Variants in SIPA1L3 observed in about 807,000 individuals in gnomAD.
The protein encoded by SIPA1L3 is signal-induced proliferation-associated 1-like protein 3.
SIPA1L3 carries 59 observed loss-of-function variants against 150.1 expected under a neutral mutation model. The ratio of observed to expected loss-of-function variants is 0.39; its 90% CI spans 0.32 to 0.49. The LOEUF (loss-of-function observed/expected upper bound fraction) is 0.49, where lower values mean the gene tolerates loss of function less well. Ranked by LOEUF, SIPA1L3 falls within the 20% of genes least tolerant of loss-of-function variation. The pLI is 0.86. For missense variants in SIPA1L3, 2,211 were observed against 2,489.5 expected, an observed-to-expected ratio of 0.89 and a Z score of 2.38; for synonymous variants, 1,070 against 1,077.6, an observed-to-expected ratio of 0.99 and a Z score of 0.14.
chr19:37,977,357 G>T (rs1177180641), intron 1 of SIPA1L3, among the ~76,000 whole-genome samples: 1 of 152,020 alleles, frequency 6.6e-6, no homozygotes, highest in African/African-American at 2.4e-5. Flanking sequence ...CAGAGACAGG[G>T]TTTTGCCATG....
Position 38,164,839 on chromosome 19 carries a change from T to G in SIPA1L3, c.4141T>G (p.Tyr1381Asp). The change falls in exon 15 of 22, where the codon TAC becomes GAC. Residue 1381 changes from tyrosine (Y) to aspartate (D), a missense_variant. By Grantham distance (160) the Tyr-to-Asp change is radical. Coordinates refer to ENST00000222345, the MANE Select transcript of SIPA1L3 (RefSeq NM_015073.3). This position sits in a 1 kb window ranked among gnomAD's most constrained non-coding sequence, Gnocchi z 4.1. ...GQSKGYRPKL[Y>D]SSGSSTPTGL... Reference sequence around the variant, plus strand: ...AAGCAAGGGCTACCGACCGAAGCTGTACTCCTCCGGCTCCAGCACCCCCAC... The same window carrying G: ...AAGCAAGGGCTACCGACCGAAGCTGGACTCCTCCGGCTCCAGCACCCCCAC... 6.2e-7 allele frequency: 1 copy of G among 1,601,664 alleles called. No homozygotes were observed. Among genetic ancestry groups the G allele is most frequent in the Non-Finnish European group, 8.5e-7 (1 of 1,172,462 alleles).
chr19:38,194,990 G>A (rs1285775777), intron 18 of SIPA1L3, among the ~76,000 whole-genome samples: 3 of 152,070 alleles, frequency 2.0e-5, no homozygotes, highest in African/African-American at 7.2e-5. Flanking sequence ...GGCAGAGGTT[G>A]CAGTGAGCTG....
chr19:38,039,221 TA>T, intron 2 of SIPA1L3, among the ~76,000 whole-genome samples: 1 of 152,180 alleles, frequency 6.6e-6, no homozygotes, highest in South Asian at 2.1e-4. Flanking sequence ...GTTTGTTGTT[TA>T]AAAAAAGAAA....
At chr19:37,925,194 C>T (rs1054585472) in intron 1 of SIPA1L3, among the ~76,000 whole-genome samples, 1 of 152,180 alleles carries the variant, frequency 6.6e-6, no homozygotes, top group African/African-American at 2.4e-5. Flanking sequence ...CCCCGTGGCT[C>T]ATGTCACTAG....
In SIPA1L3 at chr19:38,192,204, G is replaced by A. The variant is rs767194859; in HGVS notation, c.4490G>A (p.Arg1497Gln). The change falls in exon 17 of 22, where the codon CGA (arginine) becomes CAA (glutamine). Residue 1497 changes from arginine to glutamine, a missense_variant. Physicochemically the swap from Arg to Gln is conservative, Grantham distance 43. Coordinates refer to ENST00000222345, the MANE Select transcript of SIPA1L3 (RefSeq NM_015073.3). ...FGQPRLRASL[R>Q]DLRSPRKNYK... Reference sequence around the variant, plus strand: ...CAACCGAGGTTGAGGGCATCCCTCCGAGACCTCCGGTCACCACGGAAGAAC... The same window carrying A: ...CAACCGAGGTTGAGGGCATCCCTCCAAGACCTCCGGTCACCACGGAAGAAC... 8 of 1,613,330 alleles carry A rather than the reference G, an allele frequency of 5.0e-6. No individual in the cohort carries two copies. In the Admixed American group the frequency reaches 6.7e-5, roughly 13 times the overall value.
At chr19:38,013,841 T>C (rs1324829877) in intron 1 of SIPA1L3, among the ~76,000 whole-genome samples, 1 of 152,262 alleles carries the variant, frequency 6.6e-6, no homozygotes, top group Non-Finnish European at 1.5e-5. Flanking sequence ...ACTCTTGGCC[T>C]ATCAGCTGCT....
At chr19:38,071,858 C>T (rs1017414623) in intron 2 of SIPA1L3, among the ~76,000 whole-genome samples, 2 of 152,182 alleles carry the variant, frequency 1.3e-5, no homozygotes, top group African/African-American at 4.8e-5. Flanking sequence ...GCTCATCCCG[C>T]CTGTCCCAAG....
chr19:38,010,646 G>A (rs1968075358), intron 1 of SIPA1L3, among the ~76,000 whole-genome samples: 1 of 152,160 alleles, frequency 6.6e-6, no homozygotes, highest in East Asian at 1.9e-4. Flanking sequence ...AGGAGGTGGA[G>A]GTTGCAGTGA....
rs1488025203 is a variant in SIPA1L3, at chr19:38,164,479, G to A, written c.3781G>A (p.Gly1261Arg). 1.9e-6 allele frequency: 3 copies of A among 1,599,350 alleles called. No homozygotes were observed. The Admixed American group carries it at 5.0e-5, about 27-fold the overall frequency. ...ATGACACGCTTCTCTTGCCTCTCAG[G>A]GAGAACCTCAATACTCAAGTCATTC... ...GKDSPNRHSK[G>R]EPQYSSHSSS... is the part of the protein sequence containing the mutation. Residue 1261 changes from glycine (G) to arginine (R), a missense_variant and splice_region_variant, in exon 15 of 22, where the codon GGA (glycine) becomes AGA (arginine). Gly to Arg is a moderately radical substitution (Grantham distance 125). Around this residue, in one of 5 missense-constraint regions of SIPA1L3, gnomAD observed 806 missense variants for 870.1 expected, o/e 0.93. Transcript: ENST00000222345. This position sits in a 1 kb window ranked among gnomAD's most constrained non-coding sequence, Gnocchi z 4.1.
intron 1 of SIPA1L3, among the ~76,000 whole-genome samples, chr19:37,930,914 C>A (rs2046548513): frequency 6.9e-6 from 1 of 145,786 alleles, no homozygotes; most frequent in African/African-American, 2.5e-5. Flanking sequence ...TGTGCCAGTT[C>A]ATTCACAGGG....
chr19:37,988,880 C>T (rs1967429406), intron 1 of SIPA1L3, among the ~76,000 whole-genome samples: 1 of 152,142 alleles, frequency 6.6e-6, no homozygotes, highest in Non-Finnish European at 1.5e-5. Context: ...CGCGGGCCGT[C>T]CTCCCTCCCA....
chr19:38,121,315 G>A (rs1401262107), intron 9 of SIPA1L3, among the ~76,000 whole-genome samples: 3 of 152,036 alleles, frequency 2.0e-5, no homozygotes, highest in Admixed American at 1.3e-4. Flanking sequence ...GTGGGCGCCT[G>A]TAGTCCCGGC....
rs1972159721 is a variant in SIPA1L3, at chr19:38,164,453, A to T, written c.3781-26A>T. The T allele has an allele frequency of 6.3e-7, 1 of 1,576,184 alleles. No homozygotes were observed. Among genetic ancestry groups the T allele is most frequent in the Non-Finnish European group, 8.7e-7 (1 of 1,154,836 alleles). ...ATGCGCCCCTGCCCTGGAGTCTGGGAATGACACGCTTCTCTTGCCTCTCAG... is the reference window on the plus strand; with the variant it reads ...ATGCGCCCCTGCCCTGGAGTCTGGGTATGACACGCTTCTCTTGCCTCTCAG... On this transcript the variant is annotated intron_variant, in intron 14 of 21. Coordinates refer to ENST00000222345, the MANE Select transcript of SIPA1L3 (RefSeq NM_015073.3). This position sits in a 1 kb window ranked among gnomAD's most constrained non-coding sequence, Gnocchi z 4.1.
In SIPA1L3 at chr19:38,068,322, C is replaced by A. The variant is rs1969643453; in HGVS notation, c.-310-12934C>A. Among the ~76,000 whole-genome samples, 3 of 152,312 alleles carry A rather than the reference C, an allele frequency of 2.0e-5. No individual in the cohort carries two copies. The South Asian group carries it at 6.2e-4, about 32-fold the overall frequency. On this transcript the variant is annotated intron_variant, in intron 2 of 21. Transcript: ENST00000222345. ...GGGATTACAGGCGTGAGCCACCACGCCCGGCCGAAAAATCAGATTCTTAAC... is the reference window on the plus strand; with the variant it reads ...GGGATTACAGGCGTGAGCCACCACGACCGGCCGAAAAATCAGATTCTTAAC...
chr19:37,967,962 T>TA (rs149207160), intron 1 of SIPA1L3, among the ~76,000 whole-genome samples: 39,656 of 151,980 alleles, frequency 0.26, 6,154 homozygotes, highest in Non-Finnish European at 0.36. Context: ...CCCAGCCACT[T>TA]ACGTTATTGA....
chr19:38,062,618 A>ATT (rs1488073269), intron 2 of SIPA1L3, among the ~76,000 whole-genome samples: 14 of 129,550 alleles, frequency 1.1e-4, no homozygotes, highest in Non-Finnish European at 1.6e-4. Flanking sequence ...TATTATTATT[A>ATT]TTATTTTTTT....
At chr19:38,110,119 A>C (rs1970704248) in intron 7 of SIPA1L3, 108 bp from the exon 8 acceptor site, 1 of 986,798 alleles carries the variant, frequency 1.0e-6, no homozygotes, top group Non-Finnish European at 1.5e-6. Context: ...GTGTGTGAGC[A>C]GGGAGTGGGA....
intron 1 of SIPA1L3, among the ~76,000 whole-genome samples, chr19:38,028,553 C>T (rs891487580): frequency 2.0e-5 from 3 of 152,232 alleles, no homozygotes; most frequent in African/African-American, 7.2e-5. Flanking sequence ...CAAGGTTCCA[C>T]TCTGTGACTT....
chr19:38,012,752 C>T (rs1968134449), intron 1 of SIPA1L3, among the ~76,000 whole-genome samples: 2 of 152,064 alleles, frequency 1.3e-5, no homozygotes, highest in African/African-American at 4.8e-5. Flanking sequence ...GGATATCCTG[C>T]CATTCTCGGG....
Sources: allele counts gnomAD v4.1 joint callset (sites outside exome capture counted in the v4.1 genomes callset), GRCh38; gene constraint gnomAD v4.1.1; regional missense constraint gnomAD v4.1.1; non-coding constraint Gnocchi (gnomAD v3.1); transcripts MANE v1.5; gene names NCBI Gene and HGNC (gene_info 2026-07-23, HGNC 2026-07-21).